Variants in LRRC37A2 observed in about 807,000 individuals in gnomAD.
LRRC37A2 encodes leucine-rich repeat-containing protein 37A2.
LRRC37A2 carries 9 observed loss-of-function variants against 68.8 expected under a neutral mutation model. The ratio of observed to expected loss-of-function variants is 0.13; its 90% confidence interval spans 0.08 to 0.23. The LOEUF is 0.23. LRRC37A2 is among the 10% of genes least tolerant of loss of function. The pLI is 1.00. For missense variants in LRRC37A2, 168 were observed against 950.4 expected (o/e 0.18, Z 10.82); for synonymous variants, 63 against 367.6 (o/e 0.17, Z 9.48).
chr17:46,813,236 T>G, the LRRC37A2 span, among the ~76,000 whole-genome samples: 6 of 151,776 alleles, frequency 4.0e-5, no homozygotes, highest in African/African-American at 1.5e-4. Flanking sequence ...GCCCTGGGAC[T>G]CTGAGAGGCA....
chr17:46,768,806 G>A, the LRRC37A2 span: 1 of 1,612,082 alleles, frequency 6.2e-7, no homozygotes, highest in Non-Finnish European at 8.5e-7. The surrounding 1 kb of genome is among the most constrained non-coding windows in gnomAD (Gnocchi z 5.0). Context: ...TAGTCTGGGG[G>A]AGAGAAGTGG....
At chr17:47,019,486 A>G in the LRRC37A2 span, 5 of 1,580,094 alleles carry the variant, frequency 3.2e-6, no homozygotes, top group Non-Finnish European at 4.3e-6. Context: ...GAGATTGGAC[A>G]TTCTACAGCC....
At chr17:46,382,649 A>G in the LRRC37A2 span, among the ~76,000 whole-genome samples, 1 of 15,842 alleles carries the variant, frequency 6.3e-5, no homozygotes, top group South Asian at 2.4e-3. Flanking sequence ...GGTGGCAGCC[A>G]CCACACCTGG....
the LRRC37A2 span, among the ~76,000 whole-genome samples, chr17:46,884,287 G>A: frequency 6.6e-6 from 1 of 152,172 alleles, no homozygotes; most frequent in East Asian, 1.9e-4. Flanking sequence ...CTGCTTGTTG[G>A]CAACATGTCA....
At chr17:46,679,276 G>T in the LRRC37A2 span, among the ~76,000 whole-genome samples, 1 of 145,226 alleles carries the variant, frequency 6.9e-6, no homozygotes, top group African/African-American at 2.6e-5. Context: ...AGTTCATTGA[G>T]GCATATATTC....
the LRRC37A2 span, among the ~76,000 whole-genome samples, chr17:46,890,538 C>T: frequency 7.2e-5 from 11 of 152,278 alleles, no homozygotes; most frequent in African/African-American, 2.6e-4. Flanking sequence ...TGCTCTGGGA[C>T]CACATTTGGT....
chr17:46,850,775 C>G, the LRRC37A2 span, among the ~76,000 whole-genome samples: 5 of 152,216 alleles, frequency 3.3e-5, no homozygotes, highest in African/African-American at 1.2e-4. Flanking sequence ...GGGCCCAACA[C>G]TTGAAGTTCC....
the LRRC37A2 span, among the ~76,000 whole-genome samples, chr17:46,457,930 AAC>A: frequency 4.9e-5 from 2 of 41,152 alleles, no homozygotes; most frequent in African/African-American, 9.6e-5. Flanking sequence ...TCATAAGGAA[AAC>A]ACACACACAC....
the LRRC37A2 span, chr17:46,923,897 T>C: frequency 5.0e-6 from 2 of 397,418 alleles, no homozygotes; most frequent in Non-Finnish European, 8.9e-6. Context: ...ACTTACCCTA[T>C]TTTTGGGGGC....
the LRRC37A2 span, among the ~76,000 whole-genome samples, chr17:46,803,094 A>G: frequency 2.0e-5 from 3 of 152,308 alleles, no homozygotes; most frequent in East Asian, 5.8e-4. Flanking sequence ...GAATTGGATT[A>G]GAGGACGCTG....
chr17:46,861,772 G>A, the LRRC37A2 span, among the ~76,000 whole-genome samples: 1 of 152,246 alleles, frequency 6.6e-6, no homozygotes, highest in African/African-American at 2.4e-5. Context: ...AAACTTCCAA[G>A]AGGCTGGTTT....
At chr17:46,923,361 G>A in the LRRC37A2 span, 11 of 1,499,214 alleles carry the variant, frequency 7.3e-6, no homozygotes, top group East Asian at 2.7e-4. Context: ...TGCCTCCGAA[G>A]TGCTTAATCC....
the LRRC37A2 span, among the ~76,000 whole-genome samples, chr17:46,795,068 G>C: frequency 2.0e-5 from 3 of 152,002 alleles, no homozygotes; most frequent in African/African-American, 7.3e-5. Context: ...GGACATTTCT[G>C]AGACACCTGG....
chr17:47,017,735 G>C, the LRRC37A2 span: 1 of 1,610,890 alleles, frequency 6.2e-7, no homozygotes, highest in Non-Finnish European at 8.5e-7. Context: ...AGAATTTGCA[G>C]AATGAATATT....
chr17:46,768,610 G>T, the LRRC37A2 span: 1 of 1,614,152 alleles, frequency 6.2e-7, no homozygotes, highest in Admixed American at 1.7e-5. This position sits in a 1 kb window ranked among gnomAD's most constrained non-coding sequence, Gnocchi z 5.0. Context: ...TACTTGGCCC[G>T]GAGGGTCTCC....
At chr17:47,032,697 C>T in the LRRC37A2 span, among the ~76,000 whole-genome samples, 2 of 151,860 alleles carry the variant, frequency 1.3e-5, no homozygotes, top group East Asian at 2.0e-4. Flanking sequence ...CTGTGTCCAG[C>T]GCATTGCTAG....
chr17:46,525,518 C>T (rs1227516583), intron 6 of LRRC37A2, among the ~76,000 whole-genome samples: 3 of 111,368 alleles, frequency 2.7e-5, no homozygotes, highest in East Asian at 5.0e-4. Context: ...AACCAGGAGG[C>T]GGAGGTTGCA....
At chr17:46,448,575 G>A in the LRRC37A2 span, among the ~76,000 whole-genome samples, 319 of 149,114 alleles carry the variant, frequency 2.1e-3, 3 homozygotes, top group Middle Eastern at 0.01. Context: ...GAAAGCTTGA[G>A]AAATCAGTAT....
At chr17:46,390,262 A>G in the LRRC37A2 span, among the ~76,000 whole-genome samples, 18 of 86,796 alleles carry the variant, frequency 2.1e-4, no homozygotes, top group Non-Finnish European at 5.2e-4. Context: ...CAAAGTCCCT[A>G]TCTCCAAAAT....
Sources: gnomAD v4.1 joint callset for allele counts (sites outside exome capture counted in the v4.1 genomes callset) on GRCh38, gnomAD v4.1.1 for gene constraint, Gnocchi (gnomAD v3.1) non-coding constraint, MANE v1.5 for transcripts, NCBI Gene and HGNC (gene_info 2026-07-23, HGNC 2026-07-21) for gene names.